CLOCK: variants seen among roughly 807,000 people sequenced by gnomAD.
CLOCK encodes clock circadian regulator, also known as circadian locomoter output cycles protein kaput.
CLOCK carries 43 observed loss-of-function variants against 118.4 expected under a neutral mutation model. The ratio of observed to expected loss-of-function variants is 0.36; its 90% confidence interval spans 0.28 to 0.47. CLOCK has a LOEUF of 0.47. Ranked by LOEUF, CLOCK falls within the 20% of genes least tolerant of loss-of-function variation. The pLI, the probability that CLOCK is intolerant of heterozygous loss-of-function variation, is 1.00. For missense variants in CLOCK, 846 were observed against 999.9 expected, an observed-to-expected ratio of 0.85 and a Z score of 2.08; for synonymous variants, 326 against 339.2, an observed-to-expected ratio of 0.96 and a Z score of 0.43.
At chr4:55,508,200 G>C (rs777119381) in intron 2 of CLOCK, among the ~76,000 whole-genome samples, 2 of 152,154 alleles carry the variant, frequency 1.3e-5, no homozygotes, top group Non-Finnish European at 2.9e-5. Flanking sequence ...TTGTTTCATT[G>C]AGTCAGTCAT....
chr4:55,430,851 T>C lies in CLOCK; in HGVS notation c.*4564A>G, dbSNP rs1192978148. ...TTTGGTGTCCACACAATAGGCAAGA[T>C]AGGTTTACAATAGTGTTTAAATCAA... is the stretch of plus-strand genomic sequence containing the variant. On this transcript the variant is annotated 3_prime_UTR_variant, in exon 23 of 23. Coordinates refer to ENST00000513440, the MANE Select transcript of CLOCK (RefSeq NM_004898.4). 1 of 152,202 alleles carries C rather than the reference T, an allele frequency of 6.6e-6. No homozygotes were observed. The highest frequency in any genetic ancestry group is 1.5e-5 in the Non-Finnish European group (1 of 68,028). 9.4% of individuals were successfully genotyped at this position (152,202 alleles called of 1,614,324 possible). A position where few individuals can be genotyped will look rare whatever the true frequency, so the allele number is the denominator to read the frequency against.
chr4:55,520,410 T>G (rs948805982), intron 1 of CLOCK, among the ~76,000 whole-genome samples: 1 of 152,164 alleles, frequency 6.6e-6, no homozygotes, highest in African/African-American at 2.4e-5. Context: ...ACAGCAATAG[T>G]TTCCCCTAAT....
At chr4:55,454,247 C>T (rs1223939259) in intron 13 of CLOCK, among the ~76,000 whole-genome samples, 1 of 152,136 alleles carries the variant, frequency 6.6e-6, no homozygotes, top group African/African-American at 2.4e-5. Flanking sequence ...TCTGAAGTAA[C>T]TGAGTGCAGT....
Position 55,444,524 on chromosome 4 carries a change from T to A in CLOCK, c.1692+109A>T, listed in dbSNP as rs1442081766. 3 of 1,300,084 alleles carry A rather than the reference T, an allele frequency of 2.3e-6. No homozygotes were observed. The African/African-American group carries it at 4.4e-5, about 19-fold the overall frequency. 80.5% of individuals were successfully genotyped at this position (1,300,084 alleles called of 1,614,324 possible). ...ACCAGTGAATATTTATTGAACTGAA[T>A]TGATAAAACGTATCTCTTGCATCTC... On this transcript the variant is annotated intron_variant, in intron 19 of 22. Transcript: ENST00000513440.
intron 1 of CLOCK, among the ~76,000 whole-genome samples, chr4:55,520,740 C>T (rs2110060459): frequency 6.6e-6 from 1 of 152,280 alleles, no homozygotes; most frequent in African/African-American, 2.4e-5. Context: ...CTTACTCCTT[C>T]ACAATTTTCC....
chr4:55,451,858 A>G (rs1270055858), intron 15 of CLOCK, among the ~76,000 whole-genome samples: 1 of 152,126 alleles, frequency 6.6e-6, no homozygotes, highest in Non-Finnish European at 1.5e-5. Flanking sequence ...GAAAGCAGGG[A>G]AGTTGTTTGC....
intron 2 of CLOCK, among the ~76,000 whole-genome samples, chr4:55,507,559 A>G (rs567878333): frequency 6.6e-6 from 1 of 152,266 alleles, no homozygotes; most frequent in African/African-American, 2.4e-5. Context: ...GTTGAAGCCA[A>G]GAGAGCACCA....
At chr4:55,488,406 TC>T (rs899251094) in intron 3 of CLOCK, among the ~76,000 whole-genome samples, 43 of 152,356 alleles carry the variant, frequency 2.8e-4, no homozygotes, top group Admixed American at 2.6e-3. Flanking sequence ...TTTAGACATT[TC>T]TACAGATTTT....
At chr4:55,442,262 GT>G (rs1339611387) in intron 21 of CLOCK, 169 bp downstream of exon 21, 3 of 649,018 alleles carry the variant, frequency 4.6e-6, no homozygotes, top group Non-Finnish European at 7.9e-6. Context: ...TAATTATGAA[GT>G]CTTTAAACAA....
intron 1 of CLOCK, among the ~76,000 whole-genome samples, chr4:55,543,420 C>T (rs919972061): frequency 6.6e-5 from 10 of 152,064 alleles, no homozygotes; most frequent in East Asian, 5.8e-4. Context: ...AAGATGATTC[C>T]GTTTTCAAGG....
rs1560409143 is a variant in CLOCK at position 55,435,409 on chromosome 4, C to T, written c.*6G>A. On this transcript the variant is annotated 3_prime_UTR_variant, in exon 23 of 23. Coordinates refer to ENST00000513440, the MANE Select transcript of CLOCK (RefSeq NM_004898.4). ...TCCCTTGATGTCAAGAGAGGAAGCA[C>T]GTGTGCTACTGTGGTTGAACCTTGG... 15 of 1,613,820 alleles carry T rather than the reference C, an allele frequency of 9.3e-6. No individual in the cohort carries two copies. Among genetic ancestry groups the T allele is most frequent in the Non-Finnish European group, 1.1e-5 (13 of 1,179,818 alleles).
At chr4:55,467,778 C>T (rs1052223020) in intron 8 of CLOCK, among the ~76,000 whole-genome samples, 3 of 116,794 alleles carry the variant, frequency 2.6e-5, no homozygotes, top group Admixed American at 9.8e-5. Flanking sequence ...TGCTAGTTTA[C>T]TTATGCATTG....
intron 1 of CLOCK, among the ~76,000 whole-genome samples, chr4:55,521,439 A>T (rs1474722506): frequency 6.6e-6 from 1 of 152,170 alleles, no homozygotes; most frequent in Non-Finnish European, 1.5e-5. Flanking sequence ...ACCGGTCTTG[A>T]ACTCCTGACC....
chr4:55,531,355 T>TCAA (rs962986284), intron 1 of CLOCK, among the ~76,000 whole-genome samples: 1 of 151,574 alleles, frequency 6.6e-6, no homozygotes, highest in African/African-American at 2.4e-5. Context: ...AAAGCAGATC[T>TCAA]CAACAACAAC....
chr4:55,455,345 T>C (rs1273453276), intron 13 of CLOCK, among the ~76,000 whole-genome samples: 1 of 152,214 alleles, frequency 6.6e-6, no homozygotes, highest in Admixed American at 6.5e-5. Flanking sequence ...CTCAGCTTAC[T>C]CATGAAGATA....
chr4:55,481,740 A>G (rs899863113), intron 4 of CLOCK, among the ~76,000 whole-genome samples: 2 of 152,220 alleles, frequency 1.3e-5, no homozygotes, highest in Non-Finnish European at 2.9e-5. Context: ...ACAGTGCAAT[A>G]AACGCATTAA....
chr4:55,450,022 C>T, intron 16 of CLOCK, 69 bp downstream of exon 16: 1 of 1,544,090 alleles, frequency 6.5e-7, no homozygotes. Flanking sequence ...ATGAGAAATG[C>T]TGATATAAGT....
chr4:55,437,169 T>G (rs1025610154), intron 22 of CLOCK, among the ~76,000 whole-genome samples: 3 of 152,202 alleles, frequency 2.0e-5, no homozygotes, highest in Non-Finnish European at 4.4e-5. Flanking sequence ...CTAGCCTGTT[T>G]TAGTTTTCTA....
intron 2 of CLOCK, among the ~76,000 whole-genome samples, chr4:55,498,642 T>C (rs1728242816): frequency 6.7e-6 from 1 of 148,596 alleles, no homozygotes; most frequent in Non-Finnish European, 1.5e-5. Flanking sequence ...CCACTGACTG[T>C]TTGATCCTTA....
Sources: allele counts gnomAD v4.1 joint callset (sites outside exome capture counted in the v4.1 genomes callset), GRCh38; gene constraint gnomAD v4.1.1; transcripts MANE v1.5; gene names NCBI Gene and HGNC (gene_info 2026-07-23, HGNC 2026-07-21).